SNX24: variants seen among roughly 807,000 people sequenced by gnomAD.
SNX24 encodes sorting nexin 24.
A neutral mutation model predicts 28.7 loss-of-function variants in SNX24; 22 were observed. The observed-to-expected ratio is 0.77, with a 90% CI of 0.55 to 1.10. The LOEUF (loss-of-function observed/expected upper bound fraction) is 1.10. SNX24 is among the 50% of genes least tolerant of loss of function. The probability of loss-of-function intolerance (pLI) is 0.00; values close to 1 mark genes in which losing one functional copy is unlikely to be tolerated. For synonymous variants in SNX24, 69 were observed against 71.5 expected (o/e 0.96, Z 0.18); for missense variants, 221 against 201.1 (o/e 1.10, Z -0.60).
chr5:122,884,227 A>G (rs1173620880), intron 1 of SNX24, among the ~76,000 whole-genome samples: 2 of 145,090 alleles, frequency 1.4e-5, no homozygotes, highest in Non-Finnish European at 3.0e-5. Context: ...TGCCTTGAAT[A>G]ATTACCCTCA....
intron 1 of SNX24, among the ~76,000 whole-genome samples, chr5:122,931,992 C>T (rs1472540285): frequency 2.6e-5 from 4 of 151,866 alleles, no homozygotes; most frequent in Admixed American, 2.0e-4. Flanking sequence ...GGTATAAACC[C>T]ACATTTTGAA....
chr5:122,940,003 T>A (rs1167935366), intron 2 of SNX24, among the ~76,000 whole-genome samples: 1 of 151,968 alleles, frequency 6.6e-6, no homozygotes, highest in East Asian at 1.9e-4. Context: ...TTTCTTTTTT[T>A]TTTTGAGACA....
At chr5:122,994,874 CA>C (rs1043345086) in intron 3 of SNX24, among the ~76,000 whole-genome samples, 2 of 151,846 alleles carry the variant, frequency 1.3e-5, no homozygotes, top group Admixed American at 1.3e-4. Flanking sequence ...TTGTTTTTTA[CA>C]AAATACACTC....
At chr5:123,009,845 C>T (rs1046612676), downstream of SNX24, among the ~76,000 whole-genome samples, 1 of 152,198 alleles carries the variant, frequency 6.6e-6, no homozygotes, top group Admixed American at 6.5e-5. Context: ...CACTGACCTG[C>T]CTGGGGAGCT....
At chr5:122,863,782 T>G (rs931814772) in intron 1 of SNX24, among the ~76,000 whole-genome samples, 7 of 152,168 alleles carry the variant, frequency 4.6e-5, no homozygotes, top group African/African-American at 1.7e-4. Flanking sequence ...CTCAAAGCCC[T>G]AGGCTAAAGG....
intron 2 of SNX24, among the ~76,000 whole-genome samples, chr5:122,945,362 T>G (rs1342363877): frequency 1.3e-5 from 2 of 152,196 alleles, no homozygotes; most frequent in Non-Finnish European, 2.9e-5. Flanking sequence ...TCCACAGGAT[T>G]AGGATTTGGT....
At chr5:122,865,121 C>T (rs569247055) in intron 1 of SNX24, among the ~76,000 whole-genome samples, 10 of 152,330 alleles carry the variant, frequency 6.6e-5, no homozygotes, top group Non-Finnish European at 1.5e-4. Context: ...AGAGCAGGTT[C>T]TGAAGTACCA....
intron 1 of SNX24, among the ~76,000 whole-genome samples, chr5:122,930,226 C>T (rs1273308163): frequency 6.6e-6 from 1 of 152,178 alleles, no homozygotes; most frequent in Non-Finnish European, 1.5e-5. Context: ...CTTTTCTTGA[C>T]TAGCAGCCTT....
chr5:122,932,061 T>C (rs934452472), intron 1 of SNX24, among the ~76,000 whole-genome samples: 1 of 152,202 alleles, frequency 6.6e-6, no homozygotes, highest in East Asian at 1.9e-4. Flanking sequence ...AGAAAAAAAG[T>C]TGGCTCTGAC....
At chr5:123,000,037 A>G (rs1324009690) in intron 4 of SNX24, 31 bp downstream of exon 4, 2 of 1,363,428 alleles carry the variant, frequency 1.5e-6, no homozygotes, top group South Asian at 2.3e-5. Flanking sequence ...TTGGATGTGT[A>G]TTTTAAATTA....
chr5:122,852,204 G>A (rs1474558546), intron 1 of SNX24, among the ~76,000 whole-genome samples: 1 of 151,122 alleles, frequency 6.6e-6, no homozygotes, highest in Non-Finnish European at 1.5e-5. Context: ...CGGGATACAT[G>A]TGCAGAAAGT....
intron 1 of SNX24, among the ~76,000 whole-genome samples, chr5:122,913,700 G>A (rs1758022963): frequency 6.6e-6 from 1 of 152,170 alleles, no homozygotes; most frequent in Non-Finnish European, 1.5e-5. Flanking sequence ...TCACTTCCTA[G>A]ATGGGATGGC....
At chr5:122,979,146 TATTG>T (rs1418128932) in intron 3 of SNX24, among the ~76,000 whole-genome samples, 4 of 152,170 alleles carry the variant, frequency 2.6e-5, no homozygotes, top group Admixed American at 2.0e-4. Context: ...AGAGGCCGGG[TATTG>T]ATTAACTATC....
At chr5:122,891,460 A>G (rs1393150303) in intron 1 of SNX24, among the ~76,000 whole-genome samples, 3 of 152,194 alleles carry the variant, frequency 2.0e-5, no homozygotes, top group Non-Finnish European at 2.9e-5. Context: ...TATTGAGGTA[A>G]AATGGGGGAG....
At position 122,904,216 on chromosome 5, in the gene SNX24, C is replaced by T. The variant is rs1191593570; in HGVS notation, c.61-32518C>T. ...TTTTTTTTTGAGATGGAGTTTCACT[C>T]TTGTTGCCCAGGCTGGAGTGCAATG... is the stretch of plus-strand genomic sequence containing the variant. On this transcript the variant is annotated intron_variant, in intron 1 of 6. Transcript: ENST00000261369. Among the ~76,000 whole-genome samples, 4 of 151,526 alleles carry T rather than the reference C, an allele frequency of 2.6e-5. No individual in the cohort carries two copies. In the East Asian group the frequency reaches 7.7e-4, roughly 29 times the overall value.
intron 1 of SNX24, among the ~76,000 whole-genome samples, chr5:122,880,866 C>T (rs1756448948): frequency 6.6e-6 from 1 of 152,200 alleles, no homozygotes. Context: ...TCAGAGAAAT[C>T]TCCCCTGGCC....
chr5:122,877,575 C>G (rs1177923402), intron 1 of SNX24, among the ~76,000 whole-genome samples: 1 of 152,154 alleles, frequency 6.6e-6, no homozygotes, highest in Non-Finnish European at 1.5e-5. Context: ...TATCCTCTCT[C>G]TCATCTCTGC....
intron 5 of SNX24, chr5:123,025,855 AG>A: frequency 6.2e-7 from 1 of 1,614,178 alleles, no homozygotes. Flanking sequence ...AAGGTGATAA[AG>A]AACTGAGAGC....
intron 1 of SNX24, among the ~76,000 whole-genome samples, chr5:122,866,445 T>TGTGA (rs1361247471): frequency 6.6e-6 from 1 of 152,186 alleles, no homozygotes; most frequent in Non-Finnish European, 1.5e-5. Flanking sequence ...CACCACGCCC[T>TGTGA]GCCATAACTG....
Sources: gnomAD v4.1 joint callset for allele counts (sites outside exome capture counted in the v4.1 genomes callset) on GRCh38, gnomAD v4.1.1 for gene constraint, MANE v1.5 for transcripts, NCBI Gene and HGNC (gene_info 2026-07-23, HGNC 2026-07-21) for gene names.